RBMS3: variants seen among roughly 807,000 people sequenced by gnomAD.
The protein encoded by RBMS3 is RNA-binding motif, single-stranded-interacting protein 3.
A neutral mutation model predicts 66.8 loss-of-function variants in RBMS3; 27 were observed. The ratio of observed to expected loss-of-function variants is 0.40; its 90% CI spans 0.30 to 0.56. RBMS3 has a LOEUF of 0.56. Ranked by LOEUF, RBMS3 falls within the 20% of genes least tolerant of loss-of-function variation. The probability of loss-of-function intolerance (pLI) is 0.40; values close to 1 mark genes in which losing one functional copy is unlikely to be tolerated. For missense variants in RBMS3, 513 were observed against 549.5 expected (o/e 0.93, Z 0.66); for synonymous variants, 188 against 183.0 (o/e 1.03, Z -0.22).
chr3:29,894,733 A>G (rs2060086053), intron 8 of RBMS3, among the ~76,000 whole-genome samples: 1 of 151,628 alleles, frequency 6.6e-6, no homozygotes, highest in African/African-American at 2.4e-5. Flanking sequence ...TAGTGATAAG[A>G]GAACTATACA....
At chr3:29,432,628 T>C (rs957899173) in intron 1 of RBMS3, among the ~76,000 whole-genome samples, 6 of 152,196 alleles carry the variant, frequency 3.9e-5, no homozygotes, top group African/African-American at 1.2e-4. Context: ...CATACTCATG[T>C]ATGGTTTGAC....
chr3:29,513,939 C>T (rs1043107938), intron 3 of RBMS3, among the ~76,000 whole-genome samples: 2 of 152,028 alleles, frequency 1.3e-5, no homozygotes, highest in Non-Finnish European at 2.9e-5. Flanking sequence ...ACAATCATGC[C>T]CTGGGGAAAT....
intron 12 of RBMS3, among the ~76,000 whole-genome samples, chr3:29,964,051 T>C (rs1228439276): frequency 6.6e-6 from 1 of 152,174 alleles, no homozygotes; most frequent in Non-Finnish European, 1.5e-5. Flanking sequence ...CCATAGAATA[T>C]AATTCAGAAA....
At chr3:29,828,678 A>G (rs2058272182) in intron 6 of RBMS3, among the ~76,000 whole-genome samples, 1 of 152,044 alleles carries the variant, frequency 6.6e-6, no homozygotes, top group Non-Finnish European at 1.5e-5. Context: ...GGTATTAAAC[A>G]ATCTTTGGCA....
chr3:29,848,567 T>C (rs1490807013), intron 6 of RBMS3, among the ~76,000 whole-genome samples: 6 of 152,174 alleles, frequency 3.9e-5, no homozygotes, highest in Non-Finnish European at 8.8e-5. Flanking sequence ...TGTGAATTGC[T>C]TTAAAATGCT....
intron 7 of RBMS3, among the ~76,000 whole-genome samples, chr3:29,881,020 C>T (rs1451930855): frequency 7.4e-6 from 1 of 135,698 alleles, no homozygotes; most frequent in Non-Finnish European, 1.6e-5. Flanking sequence ...TACTCAGTAG[C>T]TCCCCCAAGA....
chr3:29,920,046 A>T (rs1196384791), intron 10 of RBMS3, among the ~76,000 whole-genome samples: 1 of 152,148 alleles, frequency 6.6e-6, no homozygotes, highest in Non-Finnish European at 1.5e-5. Flanking sequence ...CTTAGGAAAA[A>T]ATTGTCGCAT....
chr3:29,864,636 C>T (rs1429334652), intron 6 of RBMS3, among the ~76,000 whole-genome samples: 2 of 152,084 alleles, frequency 1.3e-5, no homozygotes, highest in Non-Finnish European at 2.9e-5. Context: ...CAGTTGGGAA[C>T]TGGGAAGTGG....
intron 7 of RBMS3, among the ~76,000 whole-genome samples, chr3:29,869,914 AAAG>A (rs2059448992): frequency 6.6e-6 from 1 of 152,166 alleles, no homozygotes; most frequent in African/African-American, 2.4e-5. Context: ...GAACAGTGGT[AAAG>A]AAGAAAGGAA....
At chr3:29,426,731 G>A (rs560252582) in intron 1 of RBMS3, among the ~76,000 whole-genome samples, 1 of 152,154 alleles carries the variant, frequency 6.6e-6, no homozygotes, top group South Asian at 2.1e-4. Flanking sequence ...AAAAATAATT[G>A]GCTCTTTAGC....
At chr3:29,638,829 A>G (rs1179278141) in intron 4 of RBMS3, among the ~76,000 whole-genome samples, 2 of 151,872 alleles carry the variant, frequency 1.3e-5, no homozygotes, top group African/African-American at 4.8e-5. Context: ...TTTAGGCATT[A>G]CTGTATTAGG....
chr3:29,707,087 A>C (rs921751396), intron 4 of RBMS3, among the ~76,000 whole-genome samples: 1 of 152,160 alleles, frequency 6.6e-6, no homozygotes, highest in Non-Finnish European at 1.5e-5. Context: ...TGGGTTAAAA[A>C]ATCTAAGAGA....
intron 4 of RBMS3, among the ~76,000 whole-genome samples, chr3:29,632,345 C>T (rs1193731873): frequency 6.6e-6 from 1 of 151,648 alleles, no homozygotes; most frequent in African/African-American, 2.4e-5. Flanking sequence ...TTTAACAGTC[C>T]TAGGGGGAGA....
At chr3:29,373,203 T>A (rs2038298596) in intron 1 of RBMS3, among the ~76,000 whole-genome samples, 1 of 152,154 alleles carries the variant, frequency 6.6e-6, no homozygotes. Context: ...ATTCCTTCTG[T>A]CCATTTGCTT....
intron 4 of RBMS3, among the ~76,000 whole-genome samples, chr3:29,619,923 C>A (rs1048221175): frequency 6.6e-6 from 1 of 151,600 alleles, no homozygotes; most frequent in Admixed American, 6.6e-5. Flanking sequence ...GAGTATTTTC[C>A]TGTTGAATGT....
At chr3:29,607,328 C>T (rs1157215502) in intron 4 of RBMS3, among the ~76,000 whole-genome samples, 2 of 151,882 alleles carry the variant, frequency 1.3e-5, no homozygotes, top group Non-Finnish European at 2.9e-5. Flanking sequence ...GTTTTGGAGG[C>T]TGGGAAGTCC....
intron 2 of RBMS3, among the ~76,000 whole-genome samples, chr3:29,486,737 G>C (rs1458605220): frequency 4.6e-5 from 7 of 152,082 alleles, no homozygotes; most frequent in Non-Finnish European, 7.4e-5. Context: ...TAACAGTCCA[G>C]TTGTGAGATG....
intron 5 of RBMS3, among the ~76,000 whole-genome samples, chr3:29,758,334 C>T (rs1027845246): frequency 6.6e-6 from 1 of 152,198 alleles, no homozygotes; most frequent in African/African-American, 2.4e-5. Flanking sequence ...CTATTCCAGG[C>T]TCATCCACTA....
intron 1 of RBMS3, among the ~76,000 whole-genome samples, chr3:29,369,210 G>A (rs548327786): frequency 2.0e-5 from 3 of 151,918 alleles, no homozygotes; most frequent in African/African-American, 7.2e-5. Context: ...TAACTAATGG[G>A]TACTAGACTT....
Sources: gnomAD v4.1 joint callset for allele counts (sites outside exome capture counted in the v4.1 genomes callset) on GRCh38, gnomAD v4.1.1 for gene constraint, MANE v1.5 for transcripts, NCBI Gene and HGNC (gene_info 2026-07-23, HGNC 2026-07-21) for gene names.